Variants in CDH20 observed in about 807,000 individuals in gnomAD.
CDH20 encodes cadherin 20.
Under a neutral mutation model 74.2 loss-of-function variants are expected in CDH20, and 29 were observed. The ratio of observed to expected loss-of-function variants is 0.39; its 90% CI spans 0.29 to 0.53. The LOEUF is 0.53. Among genes scored for constraint, CDH20 ranks in the 20% least tolerant of loss-of-function variants. The probability of loss-of-function intolerance (pLI) is 0.69; values close to 1 mark genes in which losing one functional copy is unlikely to be tolerated. For missense variants in CDH20, 988 were observed against 1,048.3 expected (o/e 0.94, Z 0.79); for synonymous variants, 469 against 405.4 (o/e 1.16, Z -1.88).
At chr18:61,542,821 G>GAAGCA (rs1913088334) in intron 9 of CDH20, among the ~76,000 whole-genome samples, 1 of 152,146 alleles carries the variant, frequency 6.6e-6, no homozygotes, top group Admixed American at 6.5e-5. Flanking sequence ...ATGGTGAGAG[G>GAAGCA]AAGCAAGGCA....
intron 1 of CDH20, among the ~76,000 whole-genome samples, chr18:61,347,064 A>G (rs1910135016): frequency 6.6e-6 from 1 of 151,794 alleles, no homozygotes; most frequent in Admixed American, 6.6e-5. Context: ...CTGTGATTTT[A>G]TAAATTTGAT....
intron 1 of CDH20, among the ~76,000 whole-genome samples, chr18:61,479,323 T>C (rs988902265): frequency 6.6e-6 from 1 of 152,136 alleles, no homozygotes; most frequent in Non-Finnish European, 1.5e-5. Flanking sequence ...AAGTTATTTA[T>C]TCGAGTATTT....
At chr18:61,446,455 C>A (rs903456658) in intron 1 of CDH20, among the ~76,000 whole-genome samples, 19 of 152,126 alleles carry the variant, frequency 1.2e-4, no homozygotes, top group Admixed American at 2.0e-4. Context: ...TTCTCCATAT[C>A]CTTCAAGTCT....
intron 10 of CDH20, among the ~76,000 whole-genome samples, chr18:61,546,008 T>C (rs78265682): frequency 0.019 from 2,842 of 152,148 alleles, 88 homozygotes; most frequent in African/African-American, 0.063. Context: ...TGTAGCCAGA[T>C]GATTTGCTTC....
chr18:61,387,964 G>GAA (rs34955035), intron 1 of CDH20, among the ~76,000 whole-genome samples: 1 of 146,202 alleles, frequency 6.8e-6, no homozygotes, highest in Admixed American at 6.8e-5. Context: ...TTATAGTGGG[G>GAA]AAAAAAAAAA....
At chr18:61,391,387 G>A (rs150503175) in intron 1 of CDH20, among the ~76,000 whole-genome samples, 134 of 152,160 alleles carry the variant, frequency 8.8e-4, no homozygotes, top group Non-Finnish European at 4.7e-4. Flanking sequence ...GTATGTTTCC[G>A]AGAGTTGGTT....
At chr18:61,516,204 TG>T (rs1911997235) in intron 6 of CDH20, among the ~76,000 whole-genome samples, 1 of 152,250 alleles carries the variant, frequency 6.6e-6, no homozygotes, top group Admixed American at 6.5e-5. Context: ...TAATAAAATC[TG>T]CATATACTAT....
chr18:61,510,743 A>G (rs905673887), intron 6 of CDH20, among the ~76,000 whole-genome samples: 5 of 152,218 alleles, frequency 3.3e-5, no homozygotes, highest in African/African-American at 1.2e-4. Flanking sequence ...AAATAAATCT[A>G]GATGTAATTA....
intron 2 of CDH20, among the ~76,000 whole-genome samples, chr18:61,496,681 C>T (rs2144310416): frequency 6.6e-6 from 1 of 152,248 alleles, no homozygotes; most frequent in South Asian, 2.1e-4. Flanking sequence ...CTGAATATTT[C>T]AAGGATCACG....
intron 1 of CDH20, among the ~76,000 whole-genome samples, chr18:61,408,265 G>A (rs1446364238): frequency 6.6e-6 from 1 of 152,132 alleles, no homozygotes; most frequent in Non-Finnish European, 1.5e-5. Flanking sequence ...AGAAAATTAA[G>A]AATCAAGATT....
intron 2 of CDH20, among the ~76,000 whole-genome samples, chr18:61,494,326 T>C (rs677625): frequency 0.97 from 148,355 of 152,202 alleles, 72,411 homozygotes; most frequent in Middle Eastern, 0.99. Context: ...TGATCTCTCA[T>C]GCTGGGTAGT....
At chr18:61,476,117 C>T (rs771230758) in intron 1 of CDH20, among the ~76,000 whole-genome samples, 10 of 152,066 alleles carry the variant, frequency 6.6e-5, no homozygotes, top group Non-Finnish European at 1.3e-4. Flanking sequence ...GGAGTCTCGC[C>T]ACATCCCCGT....
chr18:61,355,267 C>CT (rs1172657064), intron 1 of CDH20, among the ~76,000 whole-genome samples: 1 of 151,184 alleles, frequency 6.6e-6, no homozygotes, highest in African/African-American at 2.4e-5. Context: ...GCTTTTTTTT[C>CT]TTTTTTCAGA....
intron 1 of CDH20, among the ~76,000 whole-genome samples, chr18:61,399,812 C>T (rs1912099830): frequency 6.6e-6 from 1 of 152,124 alleles, no homozygotes; most frequent in African/African-American, 2.4e-5. Context: ...GTAAAAAATA[C>T]AATTACACTA....
rs529434335 is a variant in CDH20 at position 61,475,238 on chromosome 18, T to C, written c.-152-15164T>C. Among the ~76,000 whole-genome samples the C allele has an allele frequency of 5.3e-5, 8 of 152,188 alleles. No individual in the cohort carries two copies. The East Asian group carries it at 1.5e-3, about 29-fold the overall frequency. On this transcript the variant is annotated intron_variant, in intron 1 of 11. Coordinates refer to ENST00000262717, the MANE Select transcript of CDH20 (RefSeq NM_031891.4). ...ACAGATCTGAGAAAGACTTACAAGG[T>C]AGAAATGGTAGAATTTGACAGGTCT...
intron 6 of CDH20, among the ~76,000 whole-genome samples, chr18:61,512,049 T>C (rs555556749): frequency 2.6e-5 from 4 of 152,338 alleles, no homozygotes; most frequent in Admixed American, 1.3e-4. Context: ...TAATGTCATA[T>C]AAAATTGAAA....
intron 1 of CDH20, among the ~76,000 whole-genome samples, chr18:61,345,860 G>C (rs959963566): frequency 1.3e-5 from 2 of 152,054 alleles, no homozygotes; most frequent in African/African-American, 4.8e-5. Context: ...TTGGGAATTT[G>C]GACAAAACAG....
At chr18:61,337,526 T>C (rs998635315) in intron 1 of CDH20, among the ~76,000 whole-genome samples, 7 of 152,228 alleles carry the variant, frequency 4.6e-5, no homozygotes, top group African/African-American at 1.7e-4. Context: ...ATGAAACAAA[T>C]TGCTACAGTG....
chr18:61,507,378 T>C lies in CDH20; in HGVS notation c.835T>C (p.Tyr279His). The change falls in exon 6 of 12, where the codon TAC becomes CAC. Residue 279 changes from tyrosine to histidine, a missense_variant. Tyr to His is a moderately conservative substitution (Grantham distance 83). Coordinates refer to ENST00000262717, the MANE Select transcript of CDH20 (RefSeq NM_031891.4). ...GTCCTGGCTTTTCTTCGTAGAACATTACCAGATGAGTGTGTTGGAATCAGC... is the reference window on the plus strand; with the variant it reads ...GTCCTGGCTTTTCTTCGTAGAACATCACCAGATGAGTGTGTTGGAATCAGC... ...DNPPRFPQKH[Y>H]QMSVLESAPI... is the part of the protein sequence containing the mutation. 2 of 1,613,160 alleles carry C rather than the reference T, an allele frequency of 1.2e-6. No individual in the cohort carries two copies. The highest frequency in any genetic ancestry group is 1.7e-6 in the Non-Finnish European group (2 of 1,179,714).
Sources: gnomAD v4.1 joint callset for allele counts (sites outside exome capture counted in the v4.1 genomes callset) on GRCh38, gnomAD v4.1.1 for gene constraint, MANE v1.5 for transcripts, NCBI Gene and HGNC (gene_info 2026-07-23, HGNC 2026-07-21) for gene names.